MTMR8: variants seen among roughly 807,000 people sequenced by gnomAD.
MTMR8 encodes myotubularin related protein 8.
In MTMR8, 65 loss-of-function variants were observed where a neutral mutation model predicts 39.3. The ratio of observed to expected loss-of-function variants is 1.65; its 90% CI spans 1.35 to 2.03. The LOEUF (loss-of-function observed/expected upper bound fraction) is 2.03, where lower values mean the gene tolerates loss of function less well. Ranked by LOEUF, MTMR8 falls within the 30% of genes most tolerant of loss-of-function variation. The probability of loss-of-function intolerance (pLI) is 0.00; values close to 1 mark genes in which losing one functional copy is unlikely to be tolerated. For synonymous variants in MTMR8, 245 were observed against 185.2 expected (o/e 1.32, Z -2.62); for missense variants, 777 against 538.9 (o/e 1.44, Z -4.37).
In MTMR8 at chrX:64,310,010, T is replaced by C. The variant is rs980574310; in HGVS notation, c.1481+18762A>G. Among the ~76,000 whole-genome samples, 3 of 111,112 alleles carry C rather than the reference T, an allele frequency of 2.7e-5. No individual in the cohort carries two copies. In the East Asian group the frequency reaches 8.5e-4, roughly 32 times the overall value. On this transcript the variant is annotated intron_variant, in intron 12 of 13. Transcript: ENST00000374852. ...GTGGCTGTGGTAATGTCTTAAAATA[T>C]GACAACAATGAAGTGTGCCACATCG...
chrX:64,292,615 C>G (rs1266696511), intron 12 of MTMR8, among the ~76,000 whole-genome samples: 1 of 110,625 alleles, frequency 9.0e-6, no homozygotes, highest in Non-Finnish European at 1.9e-5. Context: ...TAACCACTGG[C>G]AAAGTCATAA....
At chrX:64,364,329 C>A (rs1421537377) in intron 1 of MTMR8, among the ~76,000 whole-genome samples, 1 of 112,176 alleles carries the variant, frequency 8.9e-6, no homozygotes, top group Non-Finnish European at 1.9e-5. Context: ...GGAGACACCT[C>A]CCAGTAGGGG....
intron 12 of MTMR8, among the ~76,000 whole-genome samples, chrX:64,302,632 A>G (rs1223473530): frequency 8.9e-6 from 1 of 112,610 alleles, no homozygotes; most frequent in Non-Finnish European, 1.9e-5. Context: ...CAGGTTAGGA[A>G]CCCATTAGCT....
intron 1 of MTMR8, among the ~76,000 whole-genome samples, chrX:64,389,261 C>G (rs763900645): frequency 7.2e-5 from 8 of 111,752 alleles, no homozygotes; most frequent in African/African-American, 2.3e-4. Context: ...TCTAAGGTCA[C>G]ATAGCATGTC....
chrX:64,296,759 T>A (rs1402654909), intron 12 of MTMR8, among the ~76,000 whole-genome samples: 12 of 78,060 alleles, frequency 1.5e-4, no homozygotes, highest in African/African-American at 6.3e-4. Flanking sequence ...GTCCCCAGAG[T>A]GTGATATTCC....
intron 1 of MTMR8, among the ~76,000 whole-genome samples, chrX:64,388,984 A>T (rs1359327610): frequency 8.9e-6 from 1 of 112,075 alleles, no homozygotes; most frequent in Non-Finnish European, 1.9e-5. Flanking sequence ...GAAGCACTAT[A>T]GTACATGGGT....
chrX:64,348,562 A>G (rs1923403477), intron 6 of MTMR8, 98 bp downstream of exon 6: 13 of 1,044,539 alleles, frequency 1.2e-5, no homozygotes, highest in Non-Finnish European at 1.7e-5. Context: ...ACACACATAC[A>G]CAAACCTAAC....
At position 64,337,268 on chromosome X, in the gene MTMR8, C is replaced by T. The variant is rs1235219907; in HGVS notation, c.1101G>A (p.Met367Ile). The change falls in exon 9 of 14, where the codon ATG becomes ATA. Residue 367 changes from methionine (M) to isoleucine (I), a missense_variant and splice_region_variant. Transcript: ENST00000374852. ...AAAATATAGTAGCGTGCTCTCTTAC[C>T]ATGAGTCCTTTGAATGTCCTATAAA... ...DPFYRTFKGL[M>I]ILIEKEWISM... The T allele has an allele frequency of 2.5e-6, 3 of 1,207,539 alleles. No homozygotes were observed. The highest frequency in any genetic ancestry group is 3.4e-6 in the Non-Finnish European group (3 of 893,946).
chrX:64,337,939 T>C lies in MTMR8; in HGVS notation c.976-546A>G, dbSNP rs184552775. Among the ~76,000 whole-genome samples the C allele has an allele frequency of 1.9e-3, 213 of 112,165 alleles. 1 individual carries two copies. Among genetic ancestry groups the C allele is most frequent in the African/African-American group, 6.8e-3 (210 of 30,915 alleles). On this transcript the variant is annotated intron_variant, in intron 8 of 13. Coordinates refer to ENST00000374852, the MANE Select transcript of MTMR8 (RefSeq NM_017677.4). ...TGGGAAATTTTGGCAATGGTACATATTGACCACTCATTTATTCATTCTAAC... is the reference window on the plus strand; with the variant it reads ...TGGGAAATTTTGGCAATGGTACATACTGACCACTCATTTATTCATTCTAAC...
chrX:64,368,319 G>C, intron 1 of MTMR8, among the ~76,000 whole-genome samples: 1 of 111,615 alleles, frequency 9.0e-6, no homozygotes, highest in African/African-American at 3.3e-5. Flanking sequence ...TAAGCAGAAA[G>C]AACAAAGCTG....
intron 1 of MTMR8, among the ~76,000 whole-genome samples, chrX:64,393,767 AG>A (rs768729345): frequency 6.2e-5 from 7 of 112,219 alleles, no homozygotes; most frequent in African/African-American, 2.3e-4. Context: ...AAGGCCCTGA[AG>A]AGGAGGGAGT....
intron 12 of MTMR8, chrX:64,305,447 G>A (rs1033183618): frequency 1.3e-4 from 36 of 286,881 alleles, no homozygotes; most frequent in African/African-American, 3.9e-4. Context: ...CTGCAGTGAT[G>A]TTACAGAGAA....
intron 12 of MTMR8, among the ~76,000 whole-genome samples, chrX:64,296,849 C>T (rs1394852964): frequency 1.9e-4 from 19 of 98,252 alleles, no homozygotes; most frequent in South Asian, 5.2e-4. Flanking sequence ...TTTGTTCTTG[C>T]GATAGTTTAC....
intron 12 of MTMR8, among the ~76,000 whole-genome samples, chrX:64,280,545 T>C (rs1931983114): frequency 1.8e-5 from 2 of 111,465 alleles, no homozygotes; most frequent in Admixed American, 1.9e-4. Context: ...ACAGAACATA[T>C]CTCAAAATAA....
At chrX:64,360,450 C>A in intron 1 of MTMR8, 1 of 270,883 alleles carries the variant, frequency 3.7e-6, no homozygotes, top group Non-Finnish European at 6.8e-6. Context: ...AACTGAAAAA[C>A]TCAAGCTATT....
At chrX:64,372,172 C>CAA (rs749924587) in intron 1 of MTMR8, among the ~76,000 whole-genome samples, 218 of 94,801 alleles carry the variant, frequency 2.3e-3, no homozygotes, top group African/African-American at 7.6e-3. Context: ...TAGGAAATTG[C>CAA]AAAAAAAAAA....
chrX:64,319,480 T>C (rs1392540114), intron 12 of MTMR8, among the ~76,000 whole-genome samples: 2 of 112,326 alleles, frequency 1.8e-5, no homozygotes, highest in Admixed American at 9.4e-5. Context: ...TCCTTGCCCA[T>C]GCCTATGTCC....
intron 12 of MTMR8, among the ~76,000 whole-genome samples, chrX:64,303,148 G>A (rs1222810224): frequency 2.9e-4 from 32 of 111,922 alleles, no homozygotes; most frequent in Non-Finnish European, 1.3e-4. Context: ...ATCTTTGACA[G>A]CACTTTGTAT....
chrX:64,342,826 T>A (rs905545726), intron 8 of MTMR8, among the ~76,000 whole-genome samples: 2 of 112,212 alleles, frequency 1.8e-5, no homozygotes, highest in Admixed American at 9.4e-5. Context: ...AAAGTCATTA[T>A]CTCCTTTGCT....
Sources: allele counts gnomAD v4.1 joint callset (sites outside exome capture counted in the v4.1 genomes callset), GRCh38; gene constraint gnomAD v4.1.1; transcripts MANE v1.5; gene names NCBI Gene and HGNC (gene_info 2026-07-23, HGNC 2026-07-21).